DNM2: variants seen among roughly 807,000 people sequenced by gnomAD.
The protein encoded by DNM2 is dynamin-2.
A neutral mutation model predicts 99.0 loss-of-function variants in DNM2; 15 were observed. That is an observed-to-expected ratio of 0.15 (90% CI 0.10 to 0.23). The LOEUF is 0.23. DNM2 is among the 10% of genes least tolerant of loss of function. The pLI is 1.00. For missense variants in DNM2, 742 were observed against 1,189.4 expected, an observed-to-expected ratio of 0.62 and a Z score of 5.53; for synonymous variants, 525 against 481.2, an observed-to-expected ratio of 1.09 and a Z score of -1.19.
chr19:10,804,874 G>C lies in DNM2; in HGVS notation c.1494-1042G>C, dbSNP rs1326801495. Among the ~76,000 whole-genome samples the C allele has an allele frequency of 2.0e-5, 3 of 152,130 alleles. 1 individual carries two copies. The highest frequency in any genetic ancestry group is 7.2e-5 in the African/African-American group (3 of 41,408). ...TTGGACTTTAAAACAAAACCCCCGA[G>C]GTAGTCAGCAAAGGAAGGTGACCAA... On this transcript the variant is annotated intron_variant, in intron 12 of 20. Coordinates refer to ENST00000389253, the MANE Select transcript of DNM2 (RefSeq NM_001005361.3).
In DNM2 at chr19:10,786,546, C is replaced by T; in HGVS notation, c.850-18C>T. 6.2e-7 allele frequency: 1 copy of T among 1,614,018 alleles called. No homozygotes were observed. The highest frequency in any genetic ancestry group is 8.5e-7 in the Non-Finnish European group (1 of 1,180,022). ...CTGCCCATGCCACCCTTTCTGATCT[C>T]TGACCTCTCTCCTGCAGCAACTGAC... On this transcript the variant is annotated intron_variant, in intron 6 of 20. Transcript: ENST00000389253.
At chr19:10,756,997 G>T (rs1428085298) in intron 1 of DNM2, among the ~76,000 whole-genome samples, 2 of 152,084 alleles carry the variant, frequency 1.3e-5, no homozygotes, top group Non-Finnish European at 1.5e-5. Context: ...TAATAATCTG[G>T]CTAAAGCTTA....
intron 7 of DNM2, among the ~76,000 whole-genome samples, chr19:10,789,209 G>GAAACAAACAAAC: frequency 6.6e-6 from 1 of 152,078 alleles, no homozygotes; most frequent in East Asian, 1.9e-4. Flanking sequence ...AACAAACAAA[G>GAAACAAACAAAC]AAACAAACAA....
chr19:10,782,372 C>CTTTTTCTTTTTCTCTTTTT (rs572331915), intron 5 of DNM2, among the ~76,000 whole-genome samples: 1 of 150,676 alleles, frequency 6.6e-6, no homozygotes, highest in East Asian at 2.0e-4. Context: ...TTTTCTCTTT[C>CTTTTTCTTTTTCTCTTTTT]TTTTTATTCA....
intron 2 of DNM2, chr19:10,763,539 A>G (rs1381339225): frequency 6.6e-6 from 1 of 152,232 alleles, no homozygotes; most frequent in Non-Finnish European, 1.5e-5. Context: ...GTAGGTGCCC[A>G]CTTGGTGCTG....
At chr19:10,755,016 C>T (rs1273478032) in intron 1 of DNM2, 1 of 152,236 alleles carries the variant, frequency 6.6e-6, no homozygotes, top group African/African-American at 2.4e-5. Context: ...GAACCACTGC[C>T]CTGATTTCTA....
chr19:10,776,365 C>T (rs954362014), intron 4 of DNM2, among the ~76,000 whole-genome samples: 4 of 152,292 alleles, frequency 2.6e-5, no homozygotes, highest in African/African-American at 7.2e-5. Flanking sequence ...TTCGAGTTGA[C>T]ACCCCTGGGC....
At position 10,783,045 on chromosome 19, in the gene DNM2, C is replaced by T; in HGVS notation, c.774C>T (p.Phe258=). Reference sequence around the variant, plus strand: ...CAGCACTGGCAGCTGAGAGGAAGTTCTTCCTCTCCCACCCGGCCTACCGGC... The same window carrying T: ...CAGCACTGGCAGCTGAGAGGAAGTTTTTCCTCTCCCACCCGGCCTACCGGC... The part of the protein sequence containing the change: ...IRAALAAERK[F]FLSHPAYRHM... Residue 258 remains phenylalanine, a synonymous_variant, in exon 6 of 21, where the codon TTC becomes TTT. Coordinates refer to ENST00000389253, the MANE Select transcript of DNM2 (RefSeq NM_001005361.3). The T allele has an allele frequency of 6.2e-7, 1 of 1,614,000 alleles. No individual in the cohort carries two copies. Among genetic ancestry groups the T allele is most frequent in the Non-Finnish European group, 8.5e-7 (1 of 1,180,052 alleles).
intron 18 of DNM2, among the ~76,000 whole-genome samples, chr19:10,827,845 G>A (rs1306398519): frequency 1.3e-5 from 2 of 151,830 alleles, no homozygotes; most frequent in Non-Finnish European, 2.9e-5. Flanking sequence ...CTCCAGCCTG[G>A]TGACAGAGGG....
In DNM2 at chr19:10,742,186, G is replaced by A. The variant is rs539960669; in HGVS notation, c.162-17552G>A. 7.9e-5 allele frequency among the ~76,000 whole-genome samples: 12 copies of A among 152,154 alleles called. No homozygotes were observed. The East Asian group carries it at 2.3e-3, about 29-fold the overall frequency. On this transcript the variant is annotated intron_variant, in intron 1 of 20. Transcript: ENST00000389253. ...CTGCCAGAGACTTGGGGGTCCGCAG[G>A]CTTGTGTGTCTGCTATGCTCAGGGT...
Position 10,816,852 on chromosome 19 carries a change from C to G in DNM2, c.1672-3128C>G, listed in dbSNP as rs1333657004. The stretch of plus-strand genomic sequence containing the variant: ...TCTCCTCTTCCTTCACGTGAGGGGC[C>G]CTTCGTGTTTTTCTCATCTGAGAGT... On this transcript the variant is annotated intron_variant, in intron 15 of 20. Transcript: ENST00000389253. This position sits in a 1 kb window ranked among gnomAD's most constrained non-coding sequence, Gnocchi z 4.6. Among the ~76,000 whole-genome samples, 1 of 152,218 alleles carries G rather than the reference C, an allele frequency of 6.6e-6. No individual in the cohort carries two copies. Among genetic ancestry groups the G allele is most frequent in the Non-Finnish European group, 1.5e-5 (1 of 68,042 alleles).
At chr19:10,797,233 G>T (rs901108077) in intron 9 of DNM2, 147 bp from the exon 10 acceptor site, 2 of 1,233,412 alleles carry the variant, frequency 1.6e-6, no homozygotes, top group Admixed American at 4.1e-5. Context: ...AGCAGCTTCC[G>T]GGGCAAATGC....
rs764408831 is a variant in DNM2 at position 10,775,776 on chromosome 19, G to A, written c.459G>A (p.Glu153=). ...VPVGDQPPDI[E]YQIKDMILQF... is the part of the protein sequence containing the mutation. ...TGGGCGACCAGCCTCCAGACATCGAGTACCAGATCAAGGACATGATCCTGC... is the reference window on the plus strand; with the variant it reads ...TGGGCGACCAGCCTCCAGACATCGAATACCAGATCAAGGACATGATCCTGC... Residue 153 remains glutamate (E), a synonymous_variant, in exon 4 of 21, where the codon GAG becomes GAA. Transcript: ENST00000389253. The surrounding 1 kb of genome is among the most constrained non-coding windows in gnomAD (Gnocchi z 4.3). 2 of 1,614,106 alleles carry A rather than the reference G, an allele frequency of 1.2e-6. No homozygotes were observed. Among genetic ancestry groups the A allele is most frequent in the Non-Finnish European group, 1.7e-6 (2 of 1,180,030 alleles).
chr19:10,802,714 C>T, intron 12 of DNM2: 1 of 372,124 alleles, frequency 2.7e-6, no homozygotes. Flanking sequence ...CCAGACTCTG[C>T]CACTTCATGG....
chr19:10,768,435 CAG>C (rs1370302175), intron 2 of DNM2: 2 of 152,296 alleles, frequency 1.3e-5, no homozygotes, highest in Non-Finnish European at 2.9e-5. Context: ...GCCTGGGTGA[CAG>C]AGCGAGACTT....
chr19:10,777,336 C>G, intron 5 of DNM2, 120 bp downstream of exon 5: 1 of 935,504 alleles, frequency 1.1e-6, no homozygotes, highest in Non-Finnish European at 1.7e-6. Context: ...CACCGTAACT[C>G]CTTCTTTCTT....
intron 1 of DNM2, among the ~76,000 whole-genome samples, chr19:10,740,128 C>T (rs1165238814): frequency 6.6e-6 from 1 of 151,868 alleles, no homozygotes. Context: ...CTCTTTATTT[C>T]TGATTTTTGT....
chr19:10,778,217 T>C (rs1568295395), intron 5 of DNM2, among the ~76,000 whole-genome samples: 1 of 151,570 alleles, frequency 6.6e-6, no homozygotes, highest in African/African-American at 2.4e-5. Context: ...GTATTTTTAA[T>C]TGAGACAGGG....
intron 1 of DNM2, among the ~76,000 whole-genome samples, chr19:10,718,889 C>A (rs1193438969): frequency 1.3e-5 from 2 of 152,160 alleles, no homozygotes; most frequent in African/African-American, 2.4e-5. Context: ...CTCCCTGCCA[C>A]CACCATTTGG....
Sources: gnomAD v4.1 joint callset for allele counts (sites outside exome capture counted in the v4.1 genomes callset) on GRCh38, gnomAD v4.1.1 for gene constraint, Gnocchi (gnomAD v3.1) non-coding constraint, MANE v1.5 for transcripts, NCBI Gene and HGNC (gene_info 2026-07-23, HGNC 2026-07-21) for gene names.